Variants in RIPPLY2 observed in about 807,000 individuals in gnomAD.
RIPPLY2 encodes protein ripply2.
In RIPPLY2, 20 loss-of-function variants were observed where a neutral mutation model predicts 17.7. The ratio of observed to expected loss-of-function variants is 1.13; its 90% CI spans 0.79 to 1.64. RIPPLY2 has a LOEUF of 1.64. Among genes scored for constraint, RIPPLY2 ranks in the 40% most tolerant of loss-of-function variants. The probability of loss-of-function intolerance (pLI) is 0.00; values close to 1 mark genes in which losing one functional copy is unlikely to be tolerated. For synonymous variants in RIPPLY2, 69 were observed against 63.9 expected (o/e 1.08, Z -0.38); for missense variants, 213 against 169.8 (o/e 1.25, Z -1.41).
chr6:83,854,536 A>T (rs1291117421), intron 3 of RIPPLY2: 4 of 218,972 alleles, frequency 1.8e-5, no homozygotes, highest in Non-Finnish European at 3.7e-5. Context: ...TTGTCTTGCA[A>T]TCTGGAAGGA....
chr6:83,855,339 G>A (rs2099454836), intron 3 of RIPPLY2: 1 of 152,188 alleles, frequency 6.6e-6, no homozygotes, highest in Non-Finnish European at 1.5e-5. Context: ...AAAACTGGAA[G>A]TTCTGCAATT....
rs200835560 is a variant in RIPPLY2, at chr6:83,857,354, G to A, written c.352G>A (p.Glu118Lys). Reference protein sequence around the residue: ...TISFYEDSDSEDEIEDLTCEN With the variant: ...TISFYEDSDSKDEIEDLTCEN Reference sequence around the variant, plus strand: ...TTCATTTTATGAAGATTCTGATAGCGAAGATGAAATTGAGGATCTGACCTG... The same window carrying A: ...TTCATTTTATGAAGATTCTGATAGCAAAGATGAAATTGAGGATCTGACCTG... The change falls in exon 4 of 4, where the codon GAA (glutamate) becomes AAA (lysine). Residue 118 changes from glutamate (E) to lysine (K), a missense_variant. Coordinates refer to ENST00000369689, the MANE Select transcript of RIPPLY2 (RefSeq NM_001009994.3). 397 of 1,584,214 alleles carry A rather than the reference G, an allele frequency of 2.5e-4. No individual in the cohort carries two copies. Among genetic ancestry groups the A allele is most frequent in the East Asian group, 4.2e-4 (18 of 43,026 alleles).
chr6:83,857,477 T>G lies in RIPPLY2; in HGVS notation c.*88T>G. ...ATCATAATTATTTTAAACTAATTTATTTGTATATAAATTATTAATAAAATG... is the reference window on the plus strand; with the variant it reads ...ATCATAATTATTTTAAACTAATTTAGTTGTATATAAATTATTAATAAAATG... On this transcript the variant is annotated 3_prime_UTR_variant, in exon 4 of 4. Coordinates refer to ENST00000369689, the MANE Select transcript of RIPPLY2 (RefSeq NM_001009994.3). 5.3e-6 allele frequency: 4 copies of G among 752,960 alleles called. No individual in the cohort carries two copies. The highest frequency in any genetic ancestry group is 7.5e-6 in the Non-Finnish European group (4 of 533,056). 46.6% of individuals were successfully genotyped at this position (752,960 alleles called of 1,614,324 possible).
At chr6:83,854,210 A>G in intron 3 of RIPPLY2, 49 bp downstream of exon 3, 1 of 1,480,248 alleles carries the variant, frequency 6.8e-7, no homozygotes, top group East Asian at 2.3e-5. Flanking sequence ...AGCCCCAGGG[A>G]GGAGCCAGGG....
At chr6:83,857,093 ATAG>A (rs2099455096) in intron 3 of RIPPLY2, 146 bp from the exon 4 acceptor site, 1 of 438,924 alleles carries the variant, frequency 2.3e-6, no homozygotes, top group African/African-American at 2.0e-5. Context: ...GAAGGCTGTG[ATAG>A]TAGCATATTT....
At chr6:83,856,071 CTT>C (rs962464320) in intron 3 of RIPPLY2, 10 of 152,154 alleles carry the variant, frequency 6.6e-5, no homozygotes, top group South Asian at 6.2e-4. Context: ...TAATTGTTCT[CTT>C]ATATTTTATT....
intron 3 of RIPPLY2, chr6:83,855,379 G>T (rs1351718334): frequency 2.0e-5 from 3 of 152,246 alleles, no homozygotes; most frequent in African/African-American, 7.2e-5. Context: ...ATGAACCATT[G>T]TAAGACAGTG....
At position 83,853,412 on chromosome 6, in the gene RIPPLY2, G is replaced by A. The variant is rs1331276861; in HGVS notation, c.-5G>A. On this transcript the variant is annotated 5_prime_UTR_variant, in exon 1 of 4. Coordinates refer to ENST00000369689, the MANE Select transcript of RIPPLY2 (RefSeq NM_001009994.3). The stretch of plus-strand genomic sequence containing the variant: ...CAGCGGCCTTCCGCCCAGCTCTGCG[G>A]CGTCATGGAGAACGCGGGAGGCGCA... 73 of 1,542,442 alleles carry A rather than the reference G, an allele frequency of 4.7e-5. No homozygotes were observed. The highest frequency in any genetic ancestry group is 6.2e-5 in the Non-Finnish European group (71 of 1,146,142).
In RIPPLY2 at chr6:83,853,459, G is replaced by C. The variant is rs1229852977; in HGVS notation, c.43G>C (p.Ala15Pro). Residue 15 changes from alanine (A) to proline (P), a missense_variant, in exon 1 of 4, where the codon GCG (alanine) becomes CCG (proline). Ala to Pro is a conservative substitution (Grantham distance 27). Transcript: ENST00000369689. ...CGCAGAGGGTACAGAGAGTGGAGCT[G>C]CGGCGTGCGCGGCCACCGACGGCCC... Reference protein sequence around the residue: ...GGAEGTESGAAACAATDGPTR... With the variant: ...GGAEGTESGAPACAATDGPTR... 2 of 1,542,234 alleles carry C rather than the reference G, an allele frequency of 1.3e-6. No homozygotes were observed. Among genetic ancestry groups the C allele is most frequent in the Admixed American group, 4.0e-5 (2 of 50,618 alleles).
In RIPPLY2 at chr6:83,853,476, C is replaced by A. The variant is rs1250953703; in HGVS notation, c.60C>A (p.Thr20=). The A allele has an allele frequency of 1.3e-6, 2 of 1,541,020 alleles. No individual in the cohort carries two copies. Among genetic ancestry groups the A allele is most frequent in the Admixed American group, 2.0e-5 (1 of 50,448 alleles). The change falls in exon 1 of 4, where the codon ACC becomes ACA. Residue 20 remains threonine (T), a synonymous_variant. Coordinates refer to ENST00000369689, the MANE Select transcript of RIPPLY2 (RefSeq NM_001009994.3). ...TESGAAACAA[T]DGPTRRAGAD... is the part of the protein sequence containing the mutation. ...GTGGAGCTGCGGCGTGCGCGGCCAC[C>A]GACGGCCCTACGCGGCGCGCGGGCG...
At chr6:83,855,215 C>G (rs1000510704) in intron 3 of RIPPLY2, 3 of 152,150 alleles carry the variant, frequency 2.0e-5, no homozygotes, top group Non-Finnish European at 4.4e-5. Flanking sequence ...CTTGCACACT[C>G]TTGTACAGAG....
intron 2 of RIPPLY2, 74 bp from the exon 3 acceptor site, chr6:83,854,023 A>T: frequency 7.2e-7 from 1 of 1,397,104 alleles, no homozygotes; most frequent in African/African-American, 1.4e-5. Context: ...GGCACGAGGA[A>T]CACTGGGTCG....
At chr6:83,857,174 T>C (rs2099455112) in intron 3 of RIPPLY2, 68 bp from the exon 4 acceptor site, 1 of 1,062,746 alleles carries the variant, frequency 9.4e-7, no homozygotes, top group Non-Finnish European at 1.3e-6. Flanking sequence ...GCTCTTGAAA[T>C]TTGACCATTT....
At chr6:83,854,689 A>C (rs1205175317) in intron 3 of RIPPLY2, 1 of 154,224 alleles carries the variant, frequency 6.5e-6, no homozygotes, top group Non-Finnish European at 1.4e-5. Context: ...TACTGTTCCT[A>C]GTCACAGGAA....
At chr6:83,855,650 T>C (rs1387747779) in intron 3 of RIPPLY2, 1 of 152,188 alleles carries the variant, frequency 6.6e-6, no homozygotes, top group Non-Finnish European at 1.5e-5. Context: ...AGTGATATCC[T>C]GTAGAGAACT....
At chr6:83,853,800 C>T (rs753718662) in intron 2 of RIPPLY2, 27 bp downstream of exon 2, 1 of 1,591,108 alleles carries the variant, frequency 6.3e-7, no homozygotes, top group Middle Eastern at 1.7e-4. Flanking sequence ...TCTCAGGCCG[C>T]GCCTCCCACG....
chr6:83,854,390 A>G (rs1267867315), intron 3 of RIPPLY2: 5 of 571,594 alleles, frequency 8.7e-6, no homozygotes, highest in Non-Finnish European at 1.6e-5. Context: ...CTTGATGAAT[A>G]TATTACGAAG....
At chr6:83,854,229 C>T (rs146070510) in intron 3 of RIPPLY2, 68 bp downstream of exon 3, 38 of 1,266,760 alleles carry the variant, frequency 3.0e-5, no homozygotes, top group Non-Finnish European at 3.8e-5. Context: ...GGGCATCGCG[C>T]AGCCCAGCTC....
rs773598480 is a variant in RIPPLY2 at position 83,853,783 on chromosome 6, C to T, written c.174+10C>T. 16 of 1,608,262 alleles carry T rather than the reference C, an allele frequency of 9.9e-6. No individual in the cohort carries two copies. The South Asian group carries it at 1.5e-4, about 16-fold the overall frequency. On this transcript the variant is annotated intron_variant, in intron 2 of 3. Transcript: ENST00000369689. ...CCACGCCGCGGAGGCGGTGAGTGAGCCACGCGTCTCAGGCCGCGCCTCCCA... is the reference window on the plus strand; with the variant it reads ...CCACGCCGCGGAGGCGGTGAGTGAGTCACGCGTCTCAGGCCGCGCCTCCCA...
Sources: allele counts gnomAD v4.1 joint callset, GRCh38; gene constraint gnomAD v4.1.1; transcripts MANE v1.5; gene names NCBI Gene and HGNC (gene_info 2026-07-23, HGNC 2026-07-21).